C1GALT1: variants seen among roughly 807,000 people sequenced by gnomAD.
C1GALT1 encodes core 1 synthase, glycoprotein-N-acetylgalactosamine 3-beta-galactosyltransferase 1, also known as glycoprotein-N-acetylgalactosamine 3-beta-galactosyltransferase 1.
A neutral mutation model predicts 31.0 loss-of-function variants in C1GALT1; 11 were observed. The ratio of observed to expected loss-of-function variants is 0.36; its 90% CI spans 0.22 to 0.59. The LOEUF (loss-of-function observed/expected upper bound fraction) is 0.59, where lower values mean the gene tolerates loss of function less well. Among genes scored for constraint, C1GALT1 ranks in the 20% least tolerant of loss-of-function variants. The pLI is 0.79. For synonymous variants in C1GALT1, 175 were observed against 143.6 expected (o/e 1.22, Z -1.56); for missense variants, 424 against 425.2 (o/e 1.00, Z 0.03).
intron 2 of C1GALT1, 139 bp downstream of exon 2, chr7:7,234,678 G>T: frequency 3.2e-6 from 2 of 623,514 alleles, no homozygotes; most frequent in Non-Finnish European, 5.4e-6. Flanking sequence ...CTCAAGAGAA[G>T]GGAATTGCTA....
In C1GALT1 at chr7:7,238,532, G is replaced by A. The variant is rs1226034099; in HGVS notation, c.498G>A (p.Leu166=). ...ATTTAGAAGATGCTGATTGGTTTTTGAAAGCAGATGATGACACGTATGTCA... is the reference window on the plus strand; with the variant it reads ...ATTTAGAAGATGCTGATTGGTTTTTAAAAGCAGATGATGACACGTATGTCA... ...EHYLEDADWF[L]KADDDTYVIL... Residue 166 remains leucine, a synonymous_variant, in exon 3 of 4, where the codon TTG becomes TTA. Transcript: ENST00000436587. The surrounding 1 kb of genome is among the most constrained non-coding windows in gnomAD (Gnocchi z 5.2). 7 of 1,613,942 alleles carry A rather than the reference G, an allele frequency of 4.3e-6. No individual in the cohort carries two copies. In the East Asian group the frequency reaches 1.6e-4, roughly 36 times the overall value.
chr7:7,174,859 T>C (rs1330266319), intron 2 of C1GALT1, among the ~76,000 whole-genome samples: 1 of 152,200 alleles, frequency 6.6e-6, no homozygotes, highest in East Asian at 1.9e-4. Flanking sequence ...TGGCTTCCTT[T>C]AGTTCACTGT....
At chr7:7,179,896 A>C (rs1296782437), upstream of C1GALT1, among the ~76,000 whole-genome samples, 1 of 152,000 alleles carries the variant, frequency 6.6e-6, no homozygotes, top group Non-Finnish European at 1.5e-5. Context: ...TGCATATCAA[A>C]TGGCTAAAGC....
intron 1 of C1GALT1, among the ~76,000 whole-genome samples, chr7:7,190,913 G>T (rs938880548): frequency 1.3e-5 from 2 of 151,724 alleles, no homozygotes; most frequent in African/African-American, 4.8e-5. Flanking sequence ...TTTACATACA[G>T]GTTAATTCGG....
At chr7:7,233,752 A>G (rs1463038230) in intron 1 of C1GALT1, among the ~76,000 whole-genome samples, 1 of 152,218 alleles carries the variant, frequency 6.6e-6, no homozygotes, top group Non-Finnish European at 1.5e-5. Context: ...GGTTTGGTCC[A>G]TGGGTCCTCA....
chr7:7,191,694 C>T (rs886210489), intron 1 of C1GALT1, among the ~76,000 whole-genome samples: 2 of 152,100 alleles, frequency 1.3e-5, no homozygotes, highest in African/African-American at 4.8e-5. Flanking sequence ...GGTAGCATCT[C>T]ATTGTAGTCT....
At chr7:7,160,439 A>G (rs1432016310) in intron 2 of C1GALT1, among the ~76,000 whole-genome samples, 1 of 152,158 alleles carries the variant, frequency 6.6e-6, no homozygotes, top group Non-Finnish European at 1.5e-5. Flanking sequence ...TCTAATACAT[A>G]TATTAAGCAG....
At chr7:7,219,973 G>A (rs1321156500) in intron 1 of C1GALT1, among the ~76,000 whole-genome samples, 2 of 152,076 alleles carry the variant, frequency 1.3e-5, no homozygotes, top group Non-Finnish European at 2.9e-5. Flanking sequence ...ATTTTACCTT[G>A]TATTGATTCT....
chr7:7,181,268 G>A (rs1780580293), upstream of C1GALT1, among the ~76,000 whole-genome samples: 1 of 150,690 alleles, frequency 6.6e-6, no homozygotes, highest in South Asian at 2.1e-4. Flanking sequence ...GCGGAAAGGT[G>A]GAGGGGGAGG....
At chr7:7,164,794 C>T (rs1780374789) in intron 2 of C1GALT1, among the ~76,000 whole-genome samples, 1 of 152,104 alleles carries the variant, frequency 6.6e-6, no homozygotes, top group Non-Finnish European at 1.5e-5. Flanking sequence ...AGGCAGTTCC[C>T]TGAGAGGGCT....
At position 7,238,088 on chromosome 7, in the gene C1GALT1, CAG is replaced by C. The variant is rs1783449721; in HGVS notation, c.221-164_221-163del. Among the ~76,000 whole-genome samples the C allele has an allele frequency of 2.6e-5, 4 of 152,190 alleles. No individual in the cohort carries two copies. Among genetic ancestry groups the C allele is most frequent in the South Asian group, 2.1e-4 (1 of 4,832 alleles). ...TAACACTGACATGAAACCAATAAAT[CAG>C]AGTGTCAGTTCACATTAGGATGAGT... is the stretch of plus-strand genomic sequence containing the variant. On this transcript the variant is annotated intron_variant, in intron 2 of 3. Coordinates refer to ENST00000436587, the MANE Select transcript of C1GALT1 (RefSeq NM_020156.5). The surrounding 1 kb of genome is among the most constrained non-coding windows in gnomAD (Gnocchi z 5.2).
intron 2 of C1GALT1, among the ~76,000 whole-genome samples, chr7:7,173,295 C>G (rs554392118): frequency 6.6e-6 from 1 of 151,850 alleles, no homozygotes; most frequent in East Asian, 1.9e-4. Flanking sequence ...GATGTGCTTG[C>G]TCTCCCTTCA....
At chr7:7,211,108 G>T (rs1479336734) in intron 1 of C1GALT1, among the ~76,000 whole-genome samples, 1 of 152,156 alleles carries the variant, frequency 6.6e-6, no homozygotes, top group Non-Finnish European at 1.5e-5. Context: ...ATCCTCGGAA[G>T]AATGGCATGT....
At chr7:7,237,321 C>A (rs4141099) in intron 2 of C1GALT1, among the ~76,000 whole-genome samples, 27,032 of 152,052 alleles carry the variant, frequency 0.18, 2,859 homozygotes, top group East Asian at 0.52. Context: ...GACACTTTGT[C>A]AGCTGTTTGT....
intron 1 of C1GALT1, among the ~76,000 whole-genome samples, chr7:7,217,800 T>G (rs1466252270): frequency 6.6e-6 from 1 of 152,192 alleles, no homozygotes; most frequent in Non-Finnish European, 1.5e-5. Context: ...CCTCCTAAAA[T>G]TCTGGGATTA....
chr7:7,200,822 C>T (rs1482844481), intron 1 of C1GALT1, among the ~76,000 whole-genome samples: 2 of 152,188 alleles, frequency 1.3e-5, no homozygotes, highest in Admixed American at 1.3e-4. Context: ...TCACGTAGTT[C>T]TTGTGCCATG....
intron 1 of C1GALT1, 58 bp downstream of exon 1, chr7:7,182,878 C>T: frequency 1.0e-6 from 1 of 981,002 alleles, no homozygotes; most frequent in Non-Finnish European, 1.2e-6. Context: ...TCCCCTCGCC[C>T]TCCCCCCTCT....
chr7:7,188,662 CA>C (rs1780926557), intron 1 of C1GALT1, among the ~76,000 whole-genome samples: 1 of 152,032 alleles, frequency 6.6e-6, no homozygotes, highest in African/African-American at 2.4e-5. Flanking sequence ...TGTTAAATAT[CA>C]TATGTATATA....
intron 2 of C1GALT1, among the ~76,000 whole-genome samples, chr7:7,174,385 C>G (rs147801086): frequency 6.6e-6 from 1 of 152,182 alleles, no homozygotes; most frequent in South Asian, 2.1e-4. Flanking sequence ...TAAATAACAA[C>G]GAGCCCAACT....
Sources: gnomAD v4.1 joint callset for allele counts (sites outside exome capture counted in the v4.1 genomes callset) on GRCh38, gnomAD v4.1.1 for gene constraint, Gnocchi (gnomAD v3.1) non-coding constraint, MANE v1.5 for transcripts, NCBI Gene and HGNC (gene_info 2026-07-23, HGNC 2026-07-21) for gene names.